TRHDE: variants seen among roughly 807,000 people sequenced by gnomAD.
TRHDE encodes thyrotropin releasing hormone degrading enzyme, also known as thyrotropin-releasing hormone-degrading ectoenzyme.
In TRHDE, 72 loss-of-function variants were observed where a neutral mutation model predicts 125.7. The ratio of observed to expected loss-of-function variants is 0.57; its 90% confidence interval spans 0.47 to 0.70. The LOEUF (loss-of-function observed/expected upper bound fraction) is 0.70. Ranked by LOEUF, TRHDE falls within the 30% of genes least tolerant of loss-of-function variation. The pLI, the probability that TRHDE is intolerant of heterozygous loss-of-function variation, is 0.00. For missense variants in TRHDE, 1,110 were observed against 1,327.1 expected, an observed-to-expected ratio of 0.84 and a Z score of 2.54; for synonymous variants, 509 against 509.1, an observed-to-expected ratio of 1.00 and a Z score of 0.00.
At chr12:72,382,190 A>G (rs1468182894) in intron 3 of TRHDE, among the ~76,000 whole-genome samples, 1 of 152,122 alleles carries the variant, frequency 6.6e-6, no homozygotes, top group Non-Finnish European at 1.5e-5. Context: ...AGTAAGTAAT[A>G]TTTGTGGTAA....
chr12:72,099,349 C>T (rs1875013258), intron 1 of TRHDE, among the ~76,000 whole-genome samples: 1 of 152,026 alleles, frequency 6.6e-6, no homozygotes, highest in Admixed American at 6.5e-5. Flanking sequence ...ATAGCCTTAC[C>T]ATTAATTTTT....
intron 2 of TRHDE, among the ~76,000 whole-genome samples, chr12:72,370,535 T>A (rs1871530115): frequency 6.6e-6 from 1 of 152,174 alleles, no homozygotes; most frequent in African/African-American, 2.4e-5. Flanking sequence ...TTTTGTAGCT[T>A]CTCTTTACTT....
intron 2 of TRHDE, among the ~76,000 whole-genome samples, chr12:72,154,771 T>A (rs949555345): frequency 2.6e-5 from 4 of 152,256 alleles, no homozygotes; most frequent in Middle Eastern, 3.2e-3. Context: ...CAGCTGTTAG[T>A]CTGATGGGCT....
At chr12:72,626,390 T>A (rs1002231194) in intron 15 of TRHDE, among the ~76,000 whole-genome samples, 2 of 151,896 alleles carry the variant, frequency 1.3e-5, no homozygotes, top group Admixed American at 6.6e-5. Context: ...GTTTTCACTA[T>A]CTTTGGGTAG....
At chr12:72,656,785 T>C in intron 17 of TRHDE, 142 bp from the exon 18 acceptor site, 2 of 631,366 alleles carry the variant, frequency 3.2e-6, no homozygotes, top group Admixed American at 2.9e-5. Context: ...CCTAGAGAAA[T>C]GGGCTTGAGT....
At chr12:72,373,199 A>G (rs1007338680) in intron 2 of TRHDE, among the ~76,000 whole-genome samples, 8 of 151,988 alleles carry the variant, frequency 5.3e-5, no homozygotes, top group African/African-American at 1.9e-4. Flanking sequence ...TTTGTCTGTT[A>G]TTGGTGTATA....
intron 2 of TRHDE, among the ~76,000 whole-genome samples, chr12:72,302,246 ATGTG>A (rs10581163): frequency 0.18 from 26,271 of 148,922 alleles, 2,359 homozygotes; most frequent in Middle Eastern, 0.33. Context: ...GTGTGTGTGT[ATGTG>A]TGTGTGTGTG....
chr12:72,210,408 A>G (rs536482148), intron 2 of TRHDE, among the ~76,000 whole-genome samples: 7 of 152,268 alleles, frequency 4.6e-5, no homozygotes, highest in African/African-American at 1.7e-4. Flanking sequence ...CTGCAGATTA[A>G]GCTCAGTGAA....
chr12:72,652,583 C>A, intron 16 of TRHDE, 94 bp downstream of exon 16: 1 of 888,624 alleles, frequency 1.1e-6, no homozygotes, highest in Non-Finnish European at 1.7e-6. Flanking sequence ...TGAATATATG[C>A]TAGTTATTTT....
chr12:72,662,560 C>A, intron 18 of TRHDE, among the ~76,000 whole-genome samples: 1 of 152,018 alleles, frequency 6.6e-6, no homozygotes, highest in South Asian at 2.1e-4. Flanking sequence ...TCAATGACAT[C>A]AAAGATAATG....
At chr12:72,610,306 T>A (rs998005210) in intron 12 of TRHDE, among the ~76,000 whole-genome samples, 3 of 152,202 alleles carry the variant, frequency 2.0e-5, no homozygotes, top group African/African-American at 7.2e-5. Flanking sequence ...AAAACTTACC[T>A]TCTCTGTTTT....
intron 2 of TRHDE, among the ~76,000 whole-genome samples, chr12:72,190,203 C>T (rs949706291): frequency 3.3e-5 from 5 of 152,146 alleles, no homozygotes; most frequent in African/African-American, 1.2e-4. Flanking sequence ...AAGCAGGTGA[C>T]TCACATTTCC....
At chr12:72,326,657 C>T (rs560236842) in intron 2 of TRHDE, among the ~76,000 whole-genome samples, 32 of 152,224 alleles carry the variant, frequency 2.1e-4, no homozygotes, top group Admixed American at 1.3e-3. Flanking sequence ...TGGACCAATC[C>T]AGATTTGTAA....
intron 3 of TRHDE, among the ~76,000 whole-genome samples, chr12:72,423,541 T>G (rs2135830018): frequency 6.6e-6 from 1 of 152,320 alleles, no homozygotes; most frequent in Non-Finnish European, 1.5e-5. Context: ...GATATGGGTG[T>G]TCTCTCCACA....
At chr12:72,383,667 A>G (rs901107018) in intron 3 of TRHDE, among the ~76,000 whole-genome samples, 1 of 148,552 alleles carries the variant, frequency 6.7e-6, no homozygotes, top group East Asian at 2.0e-4. Flanking sequence ...ATGAGCCACC[A>G]TGCCCGGCCC....
At chr12:72,277,452 A>G (rs1207842632) in intron 1 of TRHDE, among the ~76,000 whole-genome samples, 1 of 152,198 alleles carries the variant, frequency 6.6e-6, no homozygotes, top group African/African-American at 2.4e-5. Context: ...ATAGCTTAAC[A>G]TGAGCAAGTA....
intron 2 of TRHDE, among the ~76,000 whole-genome samples, chr12:72,312,835 TC>T (rs1446107664): frequency 4.6e-5 from 7 of 152,154 alleles, no homozygotes; most frequent in Non-Finnish European, 5.9e-5. Flanking sequence ...GACCTATACC[TC>T]CACTATTTTT....
At chr12:72,547,342 C>T (rs946348372) in intron 7 of TRHDE, among the ~76,000 whole-genome samples, 1 of 151,716 alleles carries the variant, frequency 6.6e-6, no homozygotes, top group African/African-American at 2.4e-5. Flanking sequence ...CCACATTTTA[C>T]TAACCTCATA....
chr12:72,231,151 AAT>A (rs1297199699), intron 2 of TRHDE, among the ~76,000 whole-genome samples: 3 of 152,238 alleles, frequency 2.0e-5, no homozygotes, highest in African/African-American at 7.2e-5. Context: ...AGTACATAAA[AAT>A]ATATTTTTAT....
Sources: allele counts gnomAD v4.1 joint callset (sites outside exome capture counted in the v4.1 genomes callset), GRCh38; gene constraint gnomAD v4.1.1; transcripts MANE v1.5; gene names NCBI Gene and HGNC (gene_info 2026-07-23, HGNC 2026-07-21).